Variants in NFASC observed in about 807,000 individuals in gnomAD.
NFASC encodes the protein neurofascin homolog.
NFASC carries 43 observed loss-of-function variants against 147.5 expected under a neutral mutation model. That is an observed-to-expected ratio of 0.29 (90% CI 0.23 to 0.38). The LOEUF (loss-of-function observed/expected upper bound fraction) is 0.38. Ranked by LOEUF, NFASC falls within the 10% of genes least tolerant of loss-of-function variation. The pLI is 1.00. For synonymous variants in NFASC, 622 were observed against 665.5 expected (o/e 0.93, Z 1.01); for missense variants, 1,320 against 1,689.0 (o/e 0.78, Z 3.83).
intron 1 of NFASC, among the ~76,000 whole-genome samples, chr1:204,913,835 G>T (rs1007674841): frequency 2.0e-5 from 3 of 151,480 alleles, no homozygotes; most frequent in Non-Finnish European, 4.4e-5. Flanking sequence ...CAAGGCTGCA[G>T]CGAGTCATGA....
intron 1 of NFASC, among the ~76,000 whole-genome samples, chr1:204,879,031 G>A (rs2079591808): frequency 6.6e-6 from 1 of 152,172 alleles, no homozygotes; most frequent in African/African-American, 2.4e-5. Flanking sequence ...GGTTATTTGA[G>A]GATAACCTTC....
chr1:204,907,876 T>C (rs1258775323), intron 1 of NFASC, among the ~76,000 whole-genome samples: 1 of 152,242 alleles, frequency 6.6e-6, no homozygotes, highest in East Asian at 1.9e-4. Context: ...AAATAGCTTT[T>C]AAATACACCT....
chr1:204,937,947 A>T (rs754513159), intron 2 of NFASC, among the ~76,000 whole-genome samples: 6 of 152,174 alleles, frequency 3.9e-5, no homozygotes, highest in Non-Finnish European at 8.8e-5. Context: ...ATCCCTGCCC[A>T]CTGCATGCAG....
chr1:204,979,322 C>A lies in NFASC; in HGVS notation c.1979-40C>A. ...TGCTTTTAAAGAAGACCACTGCTAACTGAGCTCCCGAAACAGCTCTGTTTT... is the reference window on the plus strand; with the variant it reads ...TGCTTTTAAAGAAGACCACTGCTAAATGAGCTCCCGAAACAGCTCTGTTTT... On this transcript the variant is annotated intron_variant, in intron 18 of 29. Coordinates refer to ENST00000339876, the MANE Select transcript of NFASC (RefSeq NM_001005388.3). The surrounding 1 kb of genome is among the most constrained non-coding windows in gnomAD (Gnocchi z 6.0). 6.5e-7 allele frequency: 1 copy of A among 1,530,128 alleles called. No individual in the cohort carries two copies. The highest frequency in any genetic ancestry group is 9.1e-7 in the Non-Finnish European group (1 of 1,104,010). 94.8% of individuals were successfully genotyped at this position (1,530,128 alleles called of 1,614,324 possible).
intron 2 of NFASC, among the ~76,000 whole-genome samples, chr1:204,930,569 A>G (rs773385796): frequency 2.0e-5 from 3 of 152,180 alleles, no homozygotes; most frequent in Non-Finnish European, 2.9e-5. Flanking sequence ...GCTTAACATC[A>G]GAGTCTGATG....
intron 1 of NFASC, among the ~76,000 whole-genome samples, chr1:204,875,251 C>T (rs2103098896): frequency 6.6e-6 from 1 of 152,300 alleles, no homozygotes; most frequent in South Asian, 2.1e-4. Flanking sequence ...GCATCTTCCT[C>T]ACTCCCCATC....
At chr1:205,001,124 G>A (rs2095974710) in intron 25 of NFASC, 46 bp from the exon 26 acceptor site, 2 of 1,130,496 alleles carry the variant, frequency 1.8e-6, no homozygotes, top group East Asian at 5.0e-5. Context: ...TATCTCTGGT[G>A]CCACTCCCTC....
At chr1:204,974,491 C>A in intron 13 of NFASC, 166 bp from the exon 14 acceptor site, 1 of 919,712 alleles carries the variant, frequency 1.1e-6, no homozygotes, top group Non-Finnish European at 1.7e-6. Context: ...GGAGGCTTGC[C>A]AGGGCCACCT....
chr1:204,847,404 G>T (rs1205187492), intron 1 of NFASC, among the ~76,000 whole-genome samples: 1 of 152,152 alleles, frequency 6.6e-6, no homozygotes. Context: ...GTAGCCCAGG[G>T]TTCTCTAGCC....
chr1:204,837,520 G>A (rs184108001), intron 1 of NFASC, among the ~76,000 whole-genome samples: 1 of 152,324 alleles, frequency 6.6e-6, no homozygotes, highest in Admixed American at 6.5e-5. Context: ...ACACTCTCTT[G>A]TTCTGAAGAC....
At position 204,983,813 on chromosome 1, in the gene NFASC, G is replaced by T. The variant is rs557716829; in HGVS notation, c.2470+1793G>T. Among the ~76,000 whole-genome samples, 333 of 152,306 alleles carry T rather than the reference G, an allele frequency of 2.2e-3. 5 individuals carry two copies. Among genetic ancestry groups the T allele is most frequent in the Non-Finnish European group, 1.3e-3 (90 of 68,028 alleles). ...GGGCAAATGAGTGCCCTCTGAACAT[G>T]TAGGCAGAGTCTCTTCCACCTAGAC... On this transcript the variant is annotated intron_variant, in intron 21 of 29. Transcript: ENST00000339876.
At chr1:204,977,610 C>G (rs2095433260) in intron 16 of NFASC, 71 bp from the exon 17 acceptor site, 4 of 1,462,882 alleles carry the variant, frequency 2.7e-6, no homozygotes, top group Non-Finnish European at 3.8e-6. Context: ...CGGCTGCCTA[C>G]CCCCATCCTT....
chr1:205,004,409 G>C lies in NFASC; in HGVS notation c.3289+1661G>C, dbSNP rs150241606. On this transcript the variant is annotated intron_variant, in intron 27 of 29. Transcript: ENST00000339876. The stretch of plus-strand genomic sequence containing the variant: ...CTCTTTTCTTGCACTTGGTGGAAAG[G>C]CTCATCTTGATAGCTTGCTTTCCAG... Among the ~76,000 whole-genome samples the C allele has an allele frequency of 1.1e-3, 163 of 152,296 alleles. 2 individuals carry two copies. Among genetic ancestry groups the C allele is most frequent in the East Asian group, 0.01 (54 of 5,172 alleles).
At chr1:205,002,949 T>C (rs946163625) in intron 27 of NFASC, among the ~76,000 whole-genome samples, 4 of 152,186 alleles carry the variant, frequency 2.6e-5, no homozygotes, top group African/African-American at 7.2e-5. Context: ...GCATGCGTAG[T>C]GGAGAGGAAA....
At chr1:204,970,097 AAAG>A (rs1217156089) in intron 10 of NFASC, among the ~76,000 whole-genome samples, 3 of 151,562 alleles carry the variant, frequency 2.0e-5, no homozygotes, top group African/African-American at 7.3e-5. Context: ...AAAAAAAAAA[AAAG>A]AACTACTCTA....
At position 204,905,177 on chromosome 1, in the gene NFASC, T is replaced by C. The variant is rs1433652779; in HGVS notation, c.-199-15455T>C. On this transcript the variant is annotated intron_variant, in intron 1 of 29. Transcript: ENST00000339876. ...ATAGTGCATCATAGCCTGGAACTCC[T>C]GGGCTCGAGTCATCCTCCTGCCTCA... Among the ~76,000 whole-genome samples, 4 of 152,278 alleles carry C rather than the reference T, an allele frequency of 2.6e-5. No individual in the cohort carries two copies. In the East Asian group the frequency reaches 5.8e-4, roughly 22 times the overall value.
intron 8 of NFASC, among the ~76,000 whole-genome samples, chr1:204,962,665 CG>C (rs1414017198): frequency 6.6e-6 from 1 of 152,130 alleles, no homozygotes; most frequent in Non-Finnish European, 1.5e-5. Flanking sequence ...AGTGAGGTCC[CG>C]TGTCTCTTTA....
intron 2 of NFASC, among the ~76,000 whole-genome samples, chr1:204,939,507 T>C (rs558422477): frequency 3.9e-5 from 6 of 152,314 alleles, no homozygotes; most frequent in African/African-American, 1.4e-4. Flanking sequence ...TGGCCCCTCT[T>C]CTTCAGGCTC....
Position 204,979,050 on chromosome 1 carries a change from TAAC to T in NFASC, c.1964_1966del (p.Asn655del), listed in dbSNP as rs2095465376. 6.4e-7 allele frequency: 1 copy of T among 1,562,140 alleles called. No homozygotes were observed. The highest frequency in any genetic ancestry group is 8.7e-7 in the Non-Finnish European group (1 of 1,152,362). ...GGCTGACCTGGATCCCCGGGGATGC[TAAC>T]AACAGCCCCATCACAGGTAGCTCAG... On this transcript the variant is annotated inframe_deletion, in exon 18 of 30. Coordinates refer to ENST00000339876, the MANE Select transcript of NFASC (RefSeq NM_001005388.3). The surrounding 1 kb of genome is among the most constrained non-coding windows in gnomAD (Gnocchi z 6.0).
Sources: gnomAD v4.1 joint callset for allele counts (sites outside exome capture counted in the v4.1 genomes callset) on GRCh38, gnomAD v4.1.1 for gene constraint, Gnocchi (gnomAD v3.1) non-coding constraint, MANE v1.5 for transcripts, NCBI Gene and HGNC (gene_info 2026-07-23, HGNC 2026-07-21) for gene names.